MEI1: variants seen among roughly 807,000 people sequenced by gnomAD.
MEI1 encodes meiosis inhibitor protein 1.
MEI1 carries 103 observed loss-of-function variants against 146.2 expected under a neutral mutation model. The ratio of observed to expected loss-of-function variants is 0.70; its 90% CI spans 0.60 to 0.83. The LOEUF is 0.83. Among genes scored for constraint, MEI1 ranks in the 40% least tolerant of loss-of-function variants. The pLI, the probability that MEI1 is intolerant of heterozygous loss-of-function variation, is 0.00. For missense variants in MEI1, 1,529 were observed against 1,533.0 expected (o/e 1.00, Z 0.04); for synonymous variants, 652 against 628.2 (o/e 1.04, Z -0.57).
At chr22:41,711,931 A>G (rs937684805) in intron 3 of MEI1, among the ~76,000 whole-genome samples, 6 of 151,904 alleles carry the variant, frequency 3.9e-5, no homozygotes, top group Non-Finnish European at 7.4e-5. Flanking sequence ...GTTTTTGGCC[A>G]GGCACAGTGG....
intron 15 of MEI1, among the ~76,000 whole-genome samples, chr22:41,750,315 A>G (rs73161400): frequency 3.9e-5 from 6 of 152,356 alleles, no homozygotes; most frequent in Non-Finnish European, 7.3e-5. Context: ...AGGAAGCCAA[A>G]TGAAGAGAGT....
At chr22:41,725,421 T>TA (rs904378935) in intron 7 of MEI1, among the ~76,000 whole-genome samples, 3 of 152,282 alleles carry the variant, frequency 2.0e-5, no homozygotes, top group South Asian at 2.1e-4. Context: ...CGTAAATTCT[T>TA]ACCTCTGCAC....
At chr22:41,760,105 C>A (rs971157165) in intron 18 of MEI1, among the ~76,000 whole-genome samples, 1 of 151,764 alleles carries the variant, frequency 6.6e-6, no homozygotes. Context: ...GTCAGGAGAT[C>A]GAGACCATCA....
At position 41,745,070 on chromosome 22, in the gene MEI1, G is replaced by A. The variant is rs1463560231; in HGVS notation, c.1538+6G>A. ...GGATTTAGAAGTGCCTGCAGGTGAG[G>A]GGCCCTCTGAGGTATGAAGTAATAG... is the stretch of plus-strand genomic sequence containing the variant. On this transcript the variant is annotated splice_donor_region_variant and intron_variant, in intron 13 of 30. Coordinates refer to ENST00000401548, the MANE Select transcript of MEI1 (RefSeq NM_152513.4). 2.0e-6 allele frequency: 3 copies of A among 1,531,662 alleles called. No individual in the cohort carries two copies. The highest frequency in any genetic ancestry group is 2.6e-6 in the Non-Finnish European group (3 of 1,136,776). The allele number at this position is 1,531,662 out of a possible 1,614,324, so 94.9% of individuals were successfully genotyped here. A position where few individuals can be genotyped will look rare whatever the true frequency, so the allele number is the denominator to read the frequency against.
At chr22:41,708,054 C>T (rs527667853) in intron 3 of MEI1, among the ~76,000 whole-genome samples, 1 of 152,342 alleles carries the variant, frequency 6.6e-6, no homozygotes, top group South Asian at 2.1e-4. Context: ...ATACTTCATA[C>T]AGACTAAGCC....
intron 14 of MEI1, among the ~76,000 whole-genome samples, chr22:41,746,508 G>A (rs1360323964): frequency 3.3e-5 from 5 of 152,202 alleles, no homozygotes; most frequent in Admixed American, 2.0e-4. Context: ...CAAGGAACAT[G>A]TATGTGTGTT....
At chr22:41,752,704 G>A in intron 16 of MEI1, 53 bp downstream of exon 16, 1 of 1,455,012 alleles carries the variant, frequency 6.9e-7, no homozygotes, top group Non-Finnish European at 9.5e-7. Flanking sequence ...TGTCCCTCTT[G>A]ATGGGACAAG....
At chr22:41,700,988 G>A (rs1382461202) in intron 1 of MEI1, among the ~76,000 whole-genome samples, 1 of 146,232 alleles carries the variant, frequency 6.8e-6, no homozygotes, top group South Asian at 2.2e-4. Flanking sequence ...TGCCCAGGCT[G>A]GAGTGCAATG....
At chr22:41,786,499 C>T (rs2075991177) in intron 26 of MEI1, among the ~76,000 whole-genome samples, 1 of 152,220 alleles carries the variant, frequency 6.6e-6, no homozygotes, top group South Asian at 2.1e-4. Context: ...CTTTGCATTC[C>T]TCACTGTCAG....
At chr22:41,770,364 T>A (rs1555981508) in intron 19 of MEI1, among the ~76,000 whole-genome samples, 1 of 152,002 alleles carries the variant, frequency 6.6e-6, no homozygotes, top group Non-Finnish European at 1.5e-5. Flanking sequence ...CATTCTTGTG[T>A]GATAAGCTTT....
At chr22:41,706,028 C>G (rs2069068973) in intron 3 of MEI1, among the ~76,000 whole-genome samples, 2 of 149,424 alleles carry the variant, frequency 1.3e-5, no homozygotes, top group African/African-American at 4.9e-5. Context: ...TCTCTCTCTT[C>G]TTTTTGTTGA....
At chr22:41,739,649 T>G (rs554996113) in intron 11 of MEI1, among the ~76,000 whole-genome samples, 2 of 151,932 alleles carry the variant, frequency 1.3e-5, no homozygotes, top group Non-Finnish European at 2.9e-5. Flanking sequence ...ATCTAGGACA[T>G]GAATTCTAGA....
intron 5 of MEI1, among the ~76,000 whole-genome samples, chr22:41,716,746 G>C (rs1291063687): frequency 2.1e-4 from 29 of 138,140 alleles, no homozygotes; most frequent in Middle Eastern, 4.8e-3. Flanking sequence ...CTGGAGTGCA[G>C]TGGCGCGATC....
intron 19 of MEI1, chr22:41,767,585 T>A: frequency 2.2e-6 from 1 of 455,988 alleles, no homozygotes; most frequent in African/African-American, 2.0e-5. Context: ...GCAACTTCAT[T>A]GCAGTTTGAT....
At chr22:41,725,121 A>ATT (rs540175683) in intron 7 of MEI1, among the ~76,000 whole-genome samples, 5 of 150,168 alleles carry the variant, frequency 3.3e-5, no homozygotes, top group African/African-American at 1.2e-4. Context: ...AATTATTATT[A>ATT]TTTTTTTTTT....
intron 11 of MEI1, among the ~76,000 whole-genome samples, chr22:41,741,951 A>G (rs977910722): frequency 7.3e-5 from 11 of 151,634 alleles, no homozygotes; most frequent in Admixed American, 6.6e-4. Flanking sequence ...TCAAAAAAAA[A>G]AAAAAAAAAG....
rs758919191 is a variant in MEI1 at position 41,763,246 on chromosome 22, C to T, written c.2193C>T (p.Arg731=). ...FLLSLQDQGE[R]PPLVVFKASI... ...TGTCGCTGCAGGACCAGGGCGAGCG[C>T]CCCCCACTGGTGGTCTTCAAAGCCT... Residue 731 remains arginine, a synonymous_variant, in exon 19 of 31, where the codon CGC becomes CGT. Coordinates refer to ENST00000401548, the MANE Select transcript of MEI1 (RefSeq NM_152513.4). 2.5e-6 allele frequency: 4 copies of T among 1,612,664 alleles called. No individual in the cohort carries two copies. The highest frequency in any genetic ancestry group is 1.3e-5 in the African/African-American group (1 of 74,880).
chr22:41,770,287 A>G (rs563501494), intron 19 of MEI1, among the ~76,000 whole-genome samples: 2 of 152,132 alleles, frequency 1.3e-5, no homozygotes, highest in South Asian at 4.2e-4. Flanking sequence ...GACAATTACA[A>G]CCCACTGTGG....
chr22:41,796,999 TTTTA>T (rs1470523771), intron 30 of MEI1, among the ~76,000 whole-genome samples: 3 of 152,274 alleles, frequency 2.0e-5, no homozygotes, highest in Non-Finnish European at 2.9e-5. Context: ...TTTACATTCT[TTTTA>T]TTTATTTTTT....
Sources: allele counts gnomAD v4.1 joint callset (sites outside exome capture counted in the v4.1 genomes callset), GRCh38; gene constraint gnomAD v4.1.1; transcripts MANE v1.5; gene names NCBI Gene and HGNC (gene_info 2026-07-23, HGNC 2026-07-21).